SH3GL2: variants seen among roughly 807,000 people sequenced by gnomAD.
The protein encoded by SH3GL2 is endophilin-A1.
In SH3GL2, 24 loss-of-function variants were observed where a neutral mutation model predicts 46.0. The observed-to-expected ratio is 0.52, with a 90% CI of 0.38 to 0.73. The LOEUF (loss-of-function observed/expected upper bound fraction) is 0.73, where lower values mean the gene tolerates loss of function less well. SH3GL2 is among the 30% of genes least tolerant of loss of function. SH3GL2 has a pLI of 0.00. For missense variants in SH3GL2, 413 were observed against 424.2 expected (o/e 0.97, Z 0.23); for synonymous variants, 196 against 147.1 (o/e 1.33, Z -2.40).
intron 1 of SH3GL2, among the ~76,000 whole-genome samples, chr9:17,740,465 A>AGTATTGTATTGTATTGTATTGTATT (rs137877310): frequency 0.065 from 9,868 of 151,264 alleles, 436 homozygotes; most frequent in Middle Eastern, 0.1. Context: ...TATGTCATCA[A>AGTATTGTATTGTATTGTATTGTATT]GTATTGTATT....
intron 1 of SH3GL2, among the ~76,000 whole-genome samples, chr9:17,624,717 A>G (rs1046741956): frequency 6.6e-6 from 1 of 152,160 alleles, no homozygotes; most frequent in African/African-American, 2.4e-5. Context: ...TGGCATAACA[A>G]TGTGATCAGG....
At chr9:17,636,231 T>C (rs1399700273) in intron 1 of SH3GL2, among the ~76,000 whole-genome samples, 1 of 152,188 alleles carries the variant, frequency 6.6e-6, no homozygotes, top group Non-Finnish European at 1.5e-5. Context: ...GTGCATCTTA[T>C]GAATGCATTT....
intron 1 of SH3GL2, among the ~76,000 whole-genome samples, chr9:17,734,938 C>T (rs1467488765): frequency 2.6e-5 from 4 of 152,000 alleles, no homozygotes; most frequent in African/African-American, 7.2e-5. Flanking sequence ...GTACTTTAAA[C>T]GGGTGAACTT....
intron 1 of SH3GL2, among the ~76,000 whole-genome samples, chr9:17,599,622 G>A (rs1332646889): frequency 6.6e-6 from 1 of 152,216 alleles, no homozygotes; most frequent in East Asian, 1.9e-4. Context: ...GGAGTTTTAT[G>A]AGGCAAATGA....
At chr9:17,738,608 G>A (rs1366646531) in intron 1 of SH3GL2, among the ~76,000 whole-genome samples, 10 of 96,090 alleles carry the variant, frequency 1.0e-4, no homozygotes, top group Admixed American at 4.6e-4. Context: ...TTATTTCAAG[G>A]AATTGCCTCA....
intron 1 of SH3GL2, among the ~76,000 whole-genome samples, chr9:17,622,593 A>G (rs1819169349): frequency 6.6e-6 from 1 of 151,780 alleles, no homozygotes; most frequent in Non-Finnish European, 1.5e-5. Context: ...ACAAAGACCA[A>G]AAAAAAAGTG....
intron 1 of SH3GL2, among the ~76,000 whole-genome samples, chr9:17,594,583 A>G (rs2134552525): frequency 6.6e-6 from 1 of 152,274 alleles, no homozygotes; most frequent in South Asian, 2.1e-4. Flanking sequence ...CCACCATGGC[A>G]CATGTATACC....
At chr9:17,790,823 TTTTA>T (rs1277665171) in intron 6 of SH3GL2, among the ~76,000 whole-genome samples, 6 of 152,144 alleles carry the variant, frequency 3.9e-5, no homozygotes, top group Admixed American at 1.3e-4. Flanking sequence ...ATTGTCACAT[TTTTA>T]TTAACAGTAC....
intron 1 of SH3GL2, among the ~76,000 whole-genome samples, chr9:17,640,841 G>T (rs1238843139): frequency 1.3e-5 from 2 of 152,050 alleles, no homozygotes; most frequent in African/African-American, 2.4e-5. Flanking sequence ...TATCCTTTAG[G>T]CCTAATCACT....
intron 3 of SH3GL2, among the ~76,000 whole-genome samples, chr9:17,781,766 A>T (rs1237448899): frequency 6.6e-6 from 1 of 152,132 alleles, no homozygotes; most frequent in Non-Finnish European, 1.5e-5. Flanking sequence ...GGTACCTAGA[A>T]TGGCCTTTCC....
intron 1 of SH3GL2, among the ~76,000 whole-genome samples, chr9:17,688,276 C>T (rs150179566): frequency 2.3e-3 from 351 of 152,030 alleles, no homozygotes; most frequent in Non-Finnish European, 3.0e-3. Flanking sequence ...ACTGGAATTG[C>T]CTTTTGGGGA....
intron 1 of SH3GL2, among the ~76,000 whole-genome samples, chr9:17,735,324 C>T (rs1328922538): frequency 6.6e-6 from 1 of 152,084 alleles, no homozygotes; most frequent in African/African-American, 2.4e-5. Context: ...CACCTGTCCT[C>T]AGTTTAATGT....
chr9:17,617,765 T>C (rs1027341499), intron 1 of SH3GL2, among the ~76,000 whole-genome samples: 1 of 152,200 alleles, frequency 6.6e-6, no homozygotes, highest in African/African-American at 2.4e-5. Flanking sequence ...TCTTGACATA[T>C]GTAGCTTGTT....
At chr9:17,646,215 C>T (rs558959524) in intron 1 of SH3GL2, among the ~76,000 whole-genome samples, 18 of 151,782 alleles carry the variant, frequency 1.2e-4, no homozygotes, top group Non-Finnish European at 2.1e-4. Context: ...TATGTTTTTC[C>T]GCTCCATCAG....
At chr9:17,789,581 C>A in intron 6 of SH3GL2, 31 bp downstream of exon 6, 1 of 1,610,940 alleles carries the variant, frequency 6.2e-7, no homozygotes, top group African/African-American at 1.3e-5. Flanking sequence ...TCAATTTAAT[C>A]TTATCATCGA....
chr9:17,791,084 A>G (rs148535706), intron 6 of SH3GL2, 147 bp from the exon 7 acceptor site: 12 of 626,464 alleles, frequency 1.9e-5, no homozygotes, highest in Middle Eastern at 2.6e-4. Context: ...AGAACTATCT[A>G]TCTTAGTTGG....
intron 1 of SH3GL2, among the ~76,000 whole-genome samples, chr9:17,704,139 C>T (rs1208525983): frequency 6.6e-6 from 1 of 150,618 alleles, no homozygotes; most frequent in East Asian, 1.9e-4. Flanking sequence ...CATTTCTGTA[C>T]ACCAACATCA....
rs988126831 is a variant in SH3GL2 at position 17,614,409 on chromosome 9, C to A, written c.45+35122C>A. Among the ~76,000 whole-genome samples the A allele has an allele frequency of 4.0e-5, 6 of 150,898 alleles. No individual in the cohort carries two copies. The East Asian group carries it at 1.2e-3, about 29-fold the overall frequency. On this transcript the variant is annotated intron_variant, in intron 1 of 8. Coordinates refer to ENST00000380607, the MANE Select transcript of SH3GL2 (RefSeq NM_003026.5). ...AGGAAATGGGAAAGATTGGATTGAG[C>A]CCTTGTGTCAAGGAAATTGACTTGG...
intron 1 of SH3GL2, among the ~76,000 whole-genome samples, chr9:17,675,214 G>C (rs892771190): frequency 5.9e-5 from 9 of 152,066 alleles, no homozygotes; most frequent in African/African-American, 2.2e-4. Flanking sequence ...CTTCACTTAG[G>C]AGACAGTGCA....
Sources: allele counts gnomAD v4.1 joint callset (sites outside exome capture counted in the v4.1 genomes callset), GRCh38; gene constraint gnomAD v4.1.1; transcripts MANE v1.5; gene names NCBI Gene and HGNC (gene_info 2026-07-23, HGNC 2026-07-21).